Variants in MSRA observed in about 807,000 individuals in gnomAD.
The protein encoded by MSRA is methionine sulfoxide reductase A.
In MSRA, 54 loss-of-function variants were observed where a neutral mutation model predicts 31.3. The observed-to-expected ratio is 1.73, with a 90% confidence interval of 1.39 to 2.17. The LOEUF is 2.17. Among genes scored for constraint, MSRA ranks in the 30% most tolerant of loss-of-function variants. MSRA has a pLI of 0.00. For synonymous variants in MSRA, 169 were observed against 116.5 expected, an observed-to-expected ratio of 1.45 and a Z score of -2.90; for missense variants, 507 against 300.9, an observed-to-expected ratio of 1.69 and a Z score of -5.07.
chr8:10,364,177 C>T (rs1477967785), intron 5 of MSRA, among the ~76,000 whole-genome samples: 3 of 152,180 alleles, frequency 2.0e-5, no homozygotes, highest in African/African-American at 7.2e-5. Flanking sequence ...CTGGCCAGAA[C>T]ACCTGATTGC....
At chr8:10,398,682 C>A (rs1023042708) in intron 5 of MSRA, among the ~76,000 whole-genome samples, 5 of 152,244 alleles carry the variant, frequency 3.3e-5, no homozygotes, top group African/African-American at 1.2e-4. Context: ...TTTCCGCTCT[C>A]CTTCTTCTGG....
intron 5 of MSRA, among the ~76,000 whole-genome samples, chr8:10,399,792 G>A (rs922955086): frequency 2.8e-4 from 42 of 152,138 alleles, no homozygotes; most frequent in African/African-American, 8.5e-4. Flanking sequence ...TTATGGTGGC[G>A]GCTGTAGCAT....
At chr8:10,262,399 T>A (rs191107941) in intron 3 of MSRA, among the ~76,000 whole-genome samples, 45 of 152,374 alleles carry the variant, frequency 3.0e-4, no homozygotes, top group East Asian at 3.9e-4. Flanking sequence ...TGTTGGTGTT[T>A]TGGATTTTGG....
At chr8:10,371,306 G>A (rs1805461148) in intron 5 of MSRA, among the ~76,000 whole-genome samples, 1 of 152,092 alleles carries the variant, frequency 6.6e-6, no homozygotes. Flanking sequence ...TATTATGGGA[G>A]AAGTTGCTTC....
intron 2 of MSRA, among the ~76,000 whole-genome samples, chr8:10,222,525 A>C (rs892386471): frequency 2.6e-5 from 4 of 152,186 alleles, no homozygotes; most frequent in African/African-American, 9.6e-5. Flanking sequence ...CAATGAAATC[A>C]CTATCTCAGA....
intron 5 of MSRA, among the ~76,000 whole-genome samples, chr8:10,345,038 A>ATC (rs1022977153): frequency 1.3e-5 from 2 of 151,960 alleles, no homozygotes; most frequent in Non-Finnish European, 2.9e-5. Flanking sequence ...GGCTGTCTGG[A>ATC]TCTCTCTCTC....
intron 5 of MSRA, among the ~76,000 whole-genome samples, chr8:10,417,772 G>GTGTC (rs1467440718): frequency 2.6e-5 from 4 of 151,028 alleles, no homozygotes; most frequent in African/African-American, 4.9e-5. Context: ...GTGTGTGTGT[G>GTGTC]TGTGTGTCTG....
chr8:10,283,212 C>G (rs1799727785), intron 3 of MSRA, among the ~76,000 whole-genome samples: 1 of 141,814 alleles, frequency 7.1e-6, no homozygotes, highest in Admixed American at 7.2e-5. Context: ...GTTACCATTC[C>G]AATACACCAT....
chr8:10,129,299 A>C (rs2129023342), intron 1 of MSRA, among the ~76,000 whole-genome samples: 1 of 152,290 alleles, frequency 6.6e-6, no homozygotes, highest in East Asian at 1.9e-4. Flanking sequence ...AAAGAGAAAC[A>C]AACTCGGGCT....
At chr8:10,424,161 A>G (rs1032579773) in intron 5 of MSRA, among the ~76,000 whole-genome samples, 1 of 152,234 alleles carries the variant, frequency 6.6e-6, no homozygotes, top group Non-Finnish European at 1.5e-5. Flanking sequence ...GATGGATAGG[A>G]GTTCCTGCGA....
chr8:10,398,105 C>G (rs1453019642), intron 5 of MSRA, among the ~76,000 whole-genome samples: 1 of 152,232 alleles, frequency 6.6e-6, no homozygotes, highest in Non-Finnish European at 1.5e-5. Flanking sequence ...TGGGACCCCA[C>G]TATCCAGTTG....
At chr8:10,250,517 T>C (rs991531711) in intron 3 of MSRA, 1 of 698,430 alleles carries the variant, frequency 1.4e-6, no homozygotes, top group Non-Finnish European at 2.6e-6. Flanking sequence ...TGAAAGGAGC[T>C]GCACAACTTT....
intron 5 of MSRA, among the ~76,000 whole-genome samples, chr8:10,341,920 C>A (rs1803452243): frequency 6.6e-6 from 1 of 152,160 alleles, no homozygotes; most frequent in South Asian, 2.1e-4. Context: ...ATCTAGAACC[C>A]CATTTTCCAT....
At chr8:10,286,764 T>C (rs572152557) in intron 3 of MSRA, among the ~76,000 whole-genome samples, 1 of 152,362 alleles carries the variant, frequency 6.6e-6, no homozygotes, top group African/African-American at 2.4e-5. Context: ...CAAGCCAAGA[T>C]TGAAGGCTCA....
At chr8:10,292,169 G>T (rs1247357003) in intron 3 of MSRA, among the ~76,000 whole-genome samples, 1 of 152,228 alleles carries the variant, frequency 6.6e-6, no homozygotes. Context: ...GGGACAGAGG[G>T]TTGGAGTCCA....
intron 3 of MSRA, among the ~76,000 whole-genome samples, chr8:10,297,282 A>G (rs1800597705): frequency 6.6e-6 from 1 of 152,138 alleles, no homozygotes; most frequent in South Asian, 2.1e-4. Flanking sequence ...GCTGTGGGGT[A>G]AGGCAGTGGA....
At chr8:10,128,237 G>A (rs1020521646) in intron 1 of MSRA, among the ~76,000 whole-genome samples, 1 of 152,096 alleles carries the variant, frequency 6.6e-6, no homozygotes, top group African/African-American at 2.4e-5. Flanking sequence ...ACATTAGCCA[G>A]GCGTGGTGGT....
intron 3 of MSRA, among the ~76,000 whole-genome samples, chr8:10,260,394 A>C (rs957837755): frequency 6.6e-6 from 1 of 152,172 alleles, no homozygotes; most frequent in Non-Finnish European, 1.5e-5. Flanking sequence ...GGAAGGAGCA[A>C]AGTTTCCACA....
chr8:10,305,732 G>T (rs1801101125), intron 4 of MSRA, among the ~76,000 whole-genome samples: 1 of 152,130 alleles, frequency 6.6e-6, no homozygotes, highest in South Asian at 2.1e-4. Flanking sequence ...CTGCCATTTT[G>T]GAGGGAGCAA....
Sources: gnomAD v4.1 joint callset for allele counts (sites outside exome capture counted in the v4.1 genomes callset) on GRCh38, gnomAD v4.1.1 for gene constraint, MANE v1.5 for transcripts, NCBI Gene and HGNC (gene_info 2026-07-23, HGNC 2026-07-21) for gene names.